IL1RAPL1: variants seen among roughly 807,000 people sequenced by gnomAD.
IL1RAPL1 encodes interleukin 1 receptor accessory protein like 1.
A neutral mutation model predicts 48.4 loss-of-function variants in IL1RAPL1; 3 were observed. That is an observed-to-expected ratio of 0.06 (90% confidence interval 0.03 to 0.16). The LOEUF is 0.16. Among genes scored for constraint, IL1RAPL1 ranks in the 10% least tolerant of loss-of-function variants. IL1RAPL1 has a pLI of 1.00. For missense variants in IL1RAPL1, 349 were observed against 530.6 expected (o/e 0.66, Z 3.36); for synonymous variants, 185 against 187.7 (o/e 0.99, Z 0.12).
intron 2 of IL1RAPL1, among the ~76,000 whole-genome samples, chrX:28,897,755 G>A (rs1355731742): frequency 1.8e-5 from 2 of 112,246 alleles, no homozygotes; most frequent in Non-Finnish European, 3.8e-5. Context: ...CAGGTTTTGT[G>A]TGAGCAATAA....
chrX:29,620,235 C>T (rs573339881), intron 5 of IL1RAPL1, among the ~76,000 whole-genome samples: 23 of 112,030 alleles, frequency 2.1e-4, no homozygotes, highest in South Asian at 7.4e-4. Context: ...TATACAGTTA[C>T]GTACTGCTTA....
At chrX:29,171,552 T>C (rs1294275467) in intron 2 of IL1RAPL1, among the ~76,000 whole-genome samples, 1 of 111,922 alleles carries the variant, frequency 8.9e-6, no homozygotes, top group Non-Finnish European at 1.9e-5. Flanking sequence ...TATGTGAGTA[T>C]GATTAAATGT....
At chrX:29,731,612 C>T (rs747588433) in intron 6 of IL1RAPL1, among the ~76,000 whole-genome samples, 1 of 112,146 alleles carries the variant, frequency 8.9e-6, no homozygotes, top group Non-Finnish European at 1.9e-5. Flanking sequence ...ACTTACCTTT[C>T]TCAGGAAAAG....
At chrX:29,866,515 T>G (rs1240383585) in intron 6 of IL1RAPL1, among the ~76,000 whole-genome samples, 1 of 110,326 alleles carries the variant, frequency 9.1e-6, no homozygotes, top group Non-Finnish European at 1.9e-5. Flanking sequence ...GAAGTGGTCT[T>G]CTGTGCACGG....
chrX:28,603,968 C>T (rs185820208), intron 1 of IL1RAPL1, among the ~76,000 whole-genome samples: 113 of 112,236 alleles, frequency 1.0e-3, no homozygotes, highest in African/African-American at 3.6e-3. Flanking sequence ...GAACCTATAG[C>T]CAAAGATTTT....
chrX:29,724,610 C>T, intron 6 of IL1RAPL1, among the ~76,000 whole-genome samples: 1 of 111,960 alleles, frequency 8.9e-6, no homozygotes. Context: ...AAATATGCTG[C>T]AAGGCAGTCT....
At chrX:29,280,369 T>C (rs1001742498) in intron 2 of IL1RAPL1, among the ~76,000 whole-genome samples, 1 of 111,389 alleles carries the variant, frequency 9.0e-6, no homozygotes, top group Admixed American at 9.6e-5. Flanking sequence ...TACAGCCCTT[T>C]TGTAAAAATT....
At chrX:29,344,709 C>T (rs1316013825) in intron 3 of IL1RAPL1, among the ~76,000 whole-genome samples, 4 of 111,907 alleles carry the variant, frequency 3.6e-5, no homozygotes, top group Non-Finnish European at 7.5e-5. Context: ...GCGATCTTGG[C>T]TCACTGCAAC....
chrX:29,311,944 A>T (rs780644470), intron 3 of IL1RAPL1, among the ~76,000 whole-genome samples: 1 of 112,102 alleles, frequency 8.9e-6, no homozygotes, highest in Non-Finnish European at 1.9e-5. Flanking sequence ...GGGCTTGGCA[A>T]TATTGAGATA....
intron 2 of IL1RAPL1, among the ~76,000 whole-genome samples, chrX:28,966,270 C>T (rs959169750): frequency 8.9e-6 from 1 of 112,000 alleles, no homozygotes; most frequent in Non-Finnish European, 1.9e-5. Flanking sequence ...TTATTAGTCA[C>T]TTGTGAGCAG....
Position 29,406,689 on chromosome X carries a change from A to G in IL1RAPL1, c.703+7381A>G, listed in dbSNP as rs1000789865. ...CATTATATTGCTGATTTGTATTGAG[A>G]TTTAAGTCAAATAACATCAGTTTTC... On this transcript the variant is annotated intron_variant, in intron 5 of 10. Transcript: ENST00000378993. 2.7e-5 allele frequency among the ~76,000 whole-genome samples: 3 copies of G among 110,029 alleles called. No homozygotes were observed. The Admixed American group carries it at 2.9e-4, about 11-fold the overall frequency.
Position 28,762,821 on chromosome X carries a change from CACAGAG to C in IL1RAPL1, c.-24-26497_-24-26492del, listed in dbSNP as rs1166788031. On this transcript the variant is annotated intron_variant, in intron 1 of 10. Coordinates refer to ENST00000378993, the MANE Select transcript of IL1RAPL1 (RefSeq NM_014271.4). ...ACACACACACACACACACACACACA[CACAGAG>C]AGAGAGAGAGAGAGAGAGAGAGAGA... 7.0e-4 allele frequency among the ~76,000 whole-genome samples: 26 copies of C among 37,330 alleles called. No homozygotes were observed. The Admixed American group carries it at 7.0e-3, about 10-fold the overall frequency. The allele number at this position is 37,330 out of a possible 115,157, so 32.4% of individuals were successfully genotyped here.
intron 5 of IL1RAPL1, among the ~76,000 whole-genome samples, chrX:29,556,217 C>G (rs1938872480): frequency 9.0e-6 from 1 of 111,583 alleles, no homozygotes; most frequent in African/African-American, 3.3e-5. Flanking sequence ...GGTTAACAGT[C>G]GAAATTTGAT....
intron 6 of IL1RAPL1, among the ~76,000 whole-genome samples, chrX:29,775,276 A>G (rs1929167960): frequency 8.9e-6 from 1 of 111,767 alleles, no homozygotes; most frequent in Non-Finnish European, 1.9e-5. Flanking sequence ...GGTAAAGAAT[A>G]GAAATTTCCT....
chrX:29,476,882 T>TTTTTTTTTTTTTTTC, intron 5 of IL1RAPL1, among the ~76,000 whole-genome samples: 1 of 56,688 alleles, frequency 1.8e-5, no homozygotes, highest in Non-Finnish European at 2.9e-5. Flanking sequence ...CTTTTTTTTT[T>TTTTTTTTTTTTTTTC]TTTTTTTTTG....
chrX:29,618,132 T>C (rs1490781190), intron 5 of IL1RAPL1, among the ~76,000 whole-genome samples: 1 of 111,613 alleles, frequency 9.0e-6, no homozygotes, highest in African/African-American at 3.3e-5. Flanking sequence ...AAATGTTATC[T>C]AAAATATAAT....
intron 2 of IL1RAPL1, among the ~76,000 whole-genome samples, chrX:28,807,630 T>G (rs1199251333): frequency 9.0e-6 from 1 of 111,408 alleles, no homozygotes; most frequent in South Asian, 3.7e-4. Flanking sequence ...AAGACTTCTC[T>G]GAAACTTGGA....
At chrX:29,676,188 T>C (rs2147103304) in intron 6 of IL1RAPL1, among the ~76,000 whole-genome samples, 1 of 111,916 alleles carries the variant, frequency 8.9e-6, no homozygotes, top group Non-Finnish European at 1.9e-5. Flanking sequence ...ACTGCTTCTA[T>C]GGAGGTAATG....
intron 2 of IL1RAPL1, among the ~76,000 whole-genome samples, chrX:28,958,920 A>T (rs1274074512): frequency 4.5e-5 from 5 of 111,871 alleles, no homozygotes; most frequent in Non-Finnish European, 7.5e-5. Context: ...AAGTAATTAG[A>T]TGGGAATAAA....
Sources: gnomAD v4.1 joint callset for allele counts (sites outside exome capture counted in the v4.1 genomes callset) on GRCh38, gnomAD v4.1.1 for gene constraint, MANE v1.5 for transcripts, NCBI Gene and HGNC (gene_info 2026-07-23, HGNC 2026-07-21) for gene names.